The following SORCS1 variants were observed in gnomAD, a reference collection of about 807,000 sequenced individuals.
SORCS1 encodes the protein sortilin related VPS10 domain containing receptor 1, also known as VPS10 domain-containing receptor SorCS1.
A neutral mutation model predicts 146.1 loss-of-function variants in SORCS1; 60 were observed. The ratio of observed to expected loss-of-function variants is 0.41; its 90% CI spans 0.33 to 0.51. SORCS1 has a LOEUF of 0.51. Ranked by LOEUF, SORCS1 falls within the 20% of genes least tolerant of loss-of-function variation. The pLI is 0.21. For missense variants in SORCS1, 1,352 were observed against 1,487.6 expected, an observed-to-expected ratio of 0.91 and a Z score of 1.50; for synonymous variants, 637 against 584.0, an observed-to-expected ratio of 1.09 and a Z score of -1.31.
intron 3 of SORCS1, among the ~76,000 whole-genome samples, chr10:106,803,946 C>T (rs12776260): frequency 0.058 from 8,863 of 152,138 alleles, 387 homozygotes; most frequent in Non-Finnish European, 0.085. Context: ...AAGTGACACA[C>T]GACCATTTAA....
chr10:106,602,931 C>T (rs540523442), intron 23 of SORCS1, among the ~76,000 whole-genome samples: 1 of 152,280 alleles, frequency 6.6e-6, no homozygotes, highest in East Asian at 1.9e-4. Flanking sequence ...ATCTGCCTTT[C>T]CTTTCTTCCT....
chr10:106,998,684 T>C (rs188443337), intron 1 of SORCS1, among the ~76,000 whole-genome samples: 2 of 152,336 alleles, frequency 1.3e-5, no homozygotes, highest in East Asian at 3.9e-4. Context: ...TAAATCAAAC[T>C]GAATTATTCA....
chr10:106,724,505 G>GA (rs1164388015), intron 6 of SORCS1, among the ~76,000 whole-genome samples: 49 of 137,576 alleles, frequency 3.6e-4, no homozygotes, highest in Non-Finnish European at 5.4e-4. Context: ...TCCATCTCAA[G>GA]AAAAAAAAAC....
intron 1 of SORCS1, among the ~76,000 whole-genome samples, chr10:107,001,270 T>G (rs1957205872): frequency 6.6e-6 from 1 of 152,026 alleles, no homozygotes; most frequent in African/African-American, 2.4e-5. Flanking sequence ...GATGTAAAGG[T>G]CTCTAAAATG....
intron 6 of SORCS1, among the ~76,000 whole-genome samples, chr10:106,717,386 T>C (rs1855453348): frequency 6.6e-6 from 1 of 152,192 alleles, no homozygotes; most frequent in African/African-American, 2.4e-5. Context: ...AAATTGAGAA[T>C]GTCAAAAGTG....
At chr10:106,915,215 C>T (rs1266621928) in intron 2 of SORCS1, among the ~76,000 whole-genome samples, 1 of 152,098 alleles carries the variant, frequency 6.6e-6, no homozygotes, top group Non-Finnish European at 1.5e-5. Flanking sequence ...GTGAATGGCA[C>T]CACTATCTGT....
Position 106,958,286 on chromosome 10 carries a change from CA to C in SORCS1, c.559-1707del, listed in dbSNP as rs766939850. On this transcript the variant is annotated intron_variant, in intron 1 of 25. Coordinates refer to ENST00000263054, the MANE Select transcript of SORCS1 (RefSeq NM_052918.5). The stretch of plus-strand genomic sequence containing the variant: ...ATAACCTAGAACATTTGGCCCAGCC[CA>C]GCTGTTTCCAACTCAGCAGAAAAAT... Among the ~76,000 whole-genome samples, 73 of 152,298 alleles carry C rather than the reference CA, an allele frequency of 4.8e-4. No individual in the cohort carries two copies. The Middle Eastern group carries it at 0.01, about 21-fold the overall frequency.
chr10:106,875,919 T>C (rs1415822450), intron 2 of SORCS1, among the ~76,000 whole-genome samples: 1 of 152,210 alleles, frequency 6.6e-6, no homozygotes, highest in Admixed American at 6.5e-5. Flanking sequence ...TAGGGACTTA[T>C]GCTAGGAGTC....
intron 1 of SORCS1, among the ~76,000 whole-genome samples, chr10:107,064,123 A>AT (rs1237743948): frequency 6.6e-6 from 1 of 152,104 alleles, no homozygotes; most frequent in Non-Finnish European, 1.5e-5. Context: ...GTGGTTTTCA[A>AT]TTTTCCTTTT....
chr10:106,612,823 G>A (rs1325173341), intron 21 of SORCS1, among the ~76,000 whole-genome samples: 1 of 152,056 alleles, frequency 6.6e-6, no homozygotes, highest in Non-Finnish European at 1.5e-5. Context: ...TGCGCTCCTG[G>A]ATAGTAAATG....
chr10:106,617,262 C>G (rs548892093), intron 21 of SORCS1, among the ~76,000 whole-genome samples: 1 of 152,138 alleles, frequency 6.6e-6, no homozygotes, highest in East Asian at 1.9e-4. Context: ...CTCTCTTGCT[C>G]TCTTTCTCAT....
intron 4 of SORCS1, among the ~76,000 whole-genome samples, chr10:106,770,073 A>G (rs1429018606): frequency 6.6e-6 from 1 of 152,212 alleles, no homozygotes; most frequent in Non-Finnish European, 1.5e-5. Flanking sequence ...AGCCTGGGCA[A>G]GACAGTAAGA....
At chr10:106,924,728 C>CTTTT (rs71025565) in intron 2 of SORCS1, among the ~76,000 whole-genome samples, 11 of 138,844 alleles carry the variant, frequency 7.9e-5, no homozygotes, top group African/African-American at 2.5e-4. Flanking sequence ...ATTCCCAAGT[C>CTTTT]TTTTTTTTTT....
At chr10:106,625,217 T>C (rs1207849443) in intron 19 of SORCS1, among the ~76,000 whole-genome samples, 1 of 128,970 alleles carries the variant, frequency 7.8e-6, no homozygotes, top group East Asian at 3.1e-4. Flanking sequence ...TGTGTGTGTG[T>C]GTGTGTGTGT....
At chr10:107,078,532 A>G (rs185628300) in intron 1 of SORCS1, among the ~76,000 whole-genome samples, 1 of 152,280 alleles carries the variant, frequency 6.6e-6, no homozygotes, top group East Asian at 1.9e-4. Context: ...AACAATTCCA[A>G]AAACAATGAA....
chr10:107,087,205 C>G (rs892069356), intron 1 of SORCS1, among the ~76,000 whole-genome samples: 1 of 152,134 alleles, frequency 6.6e-6, no homozygotes, highest in African/African-American at 2.4e-5. Context: ...ACAGAAGGAA[C>G]TCACTACATT....
chr10:106,737,222 A>C (rs957028062), intron 5 of SORCS1, among the ~76,000 whole-genome samples: 1 of 152,304 alleles, frequency 6.6e-6, no homozygotes, highest in Non-Finnish European at 1.5e-5. Flanking sequence ...CAATGTTTAG[A>C]AACAAGCAAC....
chr10:106,959,088 C>G (rs552471496), intron 1 of SORCS1, among the ~76,000 whole-genome samples: 2 of 152,242 alleles, frequency 1.3e-5, no homozygotes, highest in African/African-American at 4.8e-5. Context: ...GAGAAGGAAC[C>G]CTTTAACCCA....
At chr10:106,735,146 CA>C (rs56273269) in intron 5 of SORCS1, among the ~76,000 whole-genome samples, 7 of 128,688 alleles carry the variant, frequency 5.4e-5, no homozygotes, top group South Asian at 2.6e-4. Context: ...GACTCCATCT[CA>C]AAAAAAAAAA....
Sources: allele counts gnomAD v4.1 joint callset (sites outside exome capture counted in the v4.1 genomes callset), GRCh38; gene constraint gnomAD v4.1.1; transcripts MANE v1.5; gene names NCBI Gene and HGNC (gene_info 2026-07-23, HGNC 2026-07-21).